XPNPEP1: variants seen among roughly 807,000 people sequenced by gnomAD.
XPNPEP1 encodes the protein X-prolyl aminopeptidase 1.
Under a neutral mutation model 92.4 loss-of-function variants are expected in XPNPEP1, and 39 were observed. The observed-to-expected ratio is 0.42, with a 90% CI of 0.33 to 0.55. The LOEUF (loss-of-function observed/expected upper bound fraction) is 0.55. XPNPEP1 is among the 20% of genes least tolerant of loss of function. The pLI, the probability that XPNPEP1 is intolerant of heterozygous loss-of-function variation, is 0.08. For missense variants in XPNPEP1, 654 were observed against 856.1 expected (o/e 0.76, Z 2.95); for synonymous variants, 307 against 299.4 (o/e 1.03, Z -0.26).
intron 9 of XPNPEP1, 139 bp from the exon 10 acceptor site, chr10:109,882,781 C>T (rs1848179018): frequency 1.1e-6 from 1 of 885,042 alleles, no homozygotes. Context: ...CACTCCTTTC[C>T]CAAATCCTGC....
intron 3 of XPNPEP1, among the ~76,000 whole-genome samples, chr10:109,897,143 A>G (rs1849031884): frequency 6.6e-6 from 1 of 152,194 alleles, no homozygotes; most frequent in South Asian, 2.1e-4. Context: ...ACATGTTGCT[A>G]ACCTTCAATA....
In XPNPEP1 at chr10:109,880,184, C is replaced by A; in HGVS notation, c.1182+4G>T. The A allele has an allele frequency of 6.2e-7, 1 of 1,613,850 alleles. No individual in the cohort carries two copies. Among genetic ancestry groups the A allele is most frequent in the Non-Finnish European group, 8.5e-7 (1 of 1,179,958 alleles). On this transcript the variant is annotated splice_donor_region_variant and intron_variant, in intron 12 of 20. Coordinates refer to ENST00000502935, the MANE Select transcript of XPNPEP1 (RefSeq NM_020383.4). The stretch of plus-strand genomic sequence containing the variant: ...CACATATTAAACAAAGACTAAGAAC[C>A]AACCTCTTTCTCCAGCCAGTTAAAG...
chr10:109,904,187 C>A (rs1007483086), intron 3 of XPNPEP1, among the ~76,000 whole-genome samples: 2 of 149,264 alleles, frequency 1.3e-5, no homozygotes, highest in Non-Finnish European at 3.0e-5. Flanking sequence ...TGAACACAAA[C>A]GAACCTCACC....
intron 12 of XPNPEP1, among the ~76,000 whole-genome samples, chr10:109,878,798 C>T (rs1388586634): frequency 6.6e-6 from 1 of 151,552 alleles, no homozygotes; most frequent in Admixed American, 6.6e-5. Context: ...ATCACCTGAG[C>T]TTGGGGAGGC....
chr10:109,908,893 C>A (rs1431539428), intron 2 of XPNPEP1, among the ~76,000 whole-genome samples: 1 of 152,186 alleles, frequency 6.6e-6, no homozygotes, highest in Admixed American at 6.5e-5. Context: ...AAAGTCTTAT[C>A]TTCTAGTGAA....
intron 20 of XPNPEP1, among the ~76,000 whole-genome samples, chr10:109,866,231 G>C (rs113080244): frequency 6.6e-6 from 1 of 152,194 alleles, no homozygotes; most frequent in African/African-American, 2.4e-5. Context: ...AATCCAGCCA[G>C]GTACCAAAGC....
intron 3 of XPNPEP1, chr10:109,893,909 T>C (rs1239747946): frequency 1.3e-5 from 2 of 152,208 alleles, no homozygotes; most frequent in Non-Finnish European, 2.9e-5. Context: ...AGGCTGCCAA[T>C]GCATGACACT....
Position 109,891,844 on chromosome 10 carries a change from A to T in XPNPEP1, c.311-18T>A. The T allele has an allele frequency of 6.2e-7, 1 of 1,611,106 alleles. No individual in the cohort carries two copies. The highest frequency in any genetic ancestry group is 8.5e-7 in the Non-Finnish European group (1 of 1,178,690). ...GGCTGTGCCTGAAGCAGGGGAGAAA[A>T]AAAAAAGAAGAAGAAAGGTTTCTAA... On this transcript the variant is annotated intron_variant, in intron 4 of 20. Transcript: ENST00000502935.
chr10:109,881,054 G>A lies in XPNPEP1; in HGVS notation c.1042-123C>T, dbSNP rs144173278. On this transcript the variant is annotated intron_variant, in intron 10 of 20. Coordinates refer to ENST00000502935, the MANE Select transcript of XPNPEP1 (RefSeq NM_020383.4). The stretch of plus-strand genomic sequence containing the variant: ...AATCATTTGAAGAGCTCCCACTGGC[G>A]ACCCATATAGCTATCCCCTGGGGCC... The A allele has an allele frequency of 1.5e-3, 1,306 of 881,280 alleles. 17 individuals are homozygous for A. In the East Asian group the frequency reaches 0.021, roughly 14 times the overall value. The allele number at this position is 881,280 out of a possible 1,614,324, so 54.6% of individuals were successfully genotyped here. A position where few individuals can be genotyped will look rare whatever the true frequency, so the allele number is the denominator to read the frequency against.
intron 17 of XPNPEP1, 152 bp from the exon 18 acceptor site, chr10:109,871,056 A>C: frequency 2.4e-6 from 2 of 837,144 alleles, no homozygotes; most frequent in East Asian, 2.8e-5. Flanking sequence ...ACTTTCTAAC[A>C]ATCAGAGCTC....
chr10:109,871,762 G>A, intron 17 of XPNPEP1, 30 bp downstream of exon 17: 1 of 1,598,666 alleles, frequency 6.3e-7, no homozygotes. Context: ...AAGAAAAAGA[G>A]CCTGCCATGT....
chr10:109,873,409 CACA>C lies in XPNPEP1; in HGVS notation c.1407_1409del (p.Asp469_Val470delinsGlu). 6.2e-7 allele frequency: 1 copy of C among 1,614,174 alleles called. No individual in the cohort carries two copies. Reference sequence around the variant, plus strand: ...GGGTCCCAAAATGCATTGTCCGCGTCACATCTGTGGTGCCATCCCTTTCCAAAA... The same window carrying C: ...GGGTCCCAAAATGCATTGTCCGCGTCTCTGTGGTGCCATCCCTTTCCAAAA... On this transcript the variant is annotated inframe_deletion, in exon 16 of 21. Transcript: ENST00000502935.
intron 2 of XPNPEP1, among the ~76,000 whole-genome samples, chr10:109,913,511 C>G (rs894606384): frequency 6.6e-6 from 1 of 152,142 alleles, no homozygotes; most frequent in African/African-American, 2.4e-5. Flanking sequence ...GCTGAGGGAA[C>G]GCTAAGGGCT....
At chr10:109,869,743 G>C (rs1214405361) in intron 19 of XPNPEP1, 6 of 487,848 alleles carry the variant, frequency 1.2e-5, no homozygotes, top group Non-Finnish European at 2.2e-5. Context: ...TGGTTTCCAG[G>C]AAAGTCCCTG....
chr10:109,894,842 C>T (rs532728008), intron 3 of XPNPEP1, among the ~76,000 whole-genome samples: 11 of 152,316 alleles, frequency 7.2e-5, no homozygotes, highest in African/African-American at 2.6e-4. Flanking sequence ...CGGTCAACAG[C>T]ACTAAGGAAA....
chr10:109,888,556 C>A lies in XPNPEP1; in HGVS notation c.455G>T (p.Ser152Ile). Residue 152 changes from serine (S) to isoleucine (I), a missense_variant, in exon 6 of 21, where the codon AGT becomes ATT. By Grantham distance (142) the Ser-to-Ile change is moderately radical. Coordinates refer to ENST00000502935, the MANE Select transcript of XPNPEP1 (RefSeq NM_020383.4). ...DTPTQEDWLV[S>I]VLPEGSRVGV... Reference sequence around the variant, plus strand: ...AACCCTGGATCCTTCAGGAAGCACACTCACCAGCCAGTCTTCCTGAGTTGG... The same window carrying A: ...AACCCTGGATCCTTCAGGAAGCACAATCACCAGCCAGTCTTCCTGAGTTGG... 6.2e-7 allele frequency: 1 copy of A among 1,611,520 alleles called. No individual in the cohort carries two copies. Among genetic ancestry groups the A allele is most frequent in the South Asian group, 1.1e-5 (1 of 90,354 alleles).
intron 2 of XPNPEP1, among the ~76,000 whole-genome samples, chr10:109,914,109 CT>C (rs748573829): frequency 7.3e-5 from 11 of 151,194 alleles, no homozygotes; most frequent in Admixed American, 2.0e-4. Flanking sequence ...ACACATGGTT[CT>C]CCTTAGTAGT....
At chr10:109,875,991 C>G (rs1195667516) in intron 14 of XPNPEP1, 1 of 167,058 alleles carries the variant, frequency 6.0e-6, no homozygotes, top group Non-Finnish European at 1.3e-5. Flanking sequence ...GTCACTGCAG[C>G]CTTGCTTGTC....
chr10:109,890,327 AAAGTAAC>A (rs1367656553), intron 5 of XPNPEP1, among the ~76,000 whole-genome samples: 7 of 152,248 alleles, frequency 4.6e-5, no homozygotes, highest in Non-Finnish European at 1.0e-4. Flanking sequence ...GTGCAAGAAG[AAAGTAAC>A]AGAGCTTCTA....
Sources: allele counts gnomAD v4.1 joint callset (sites outside exome capture counted in the v4.1 genomes callset), GRCh38; gene constraint gnomAD v4.1.1; transcripts MANE v1.5; gene names NCBI Gene and HGNC (gene_info 2026-07-23, HGNC 2026-07-21).